Variants in NCK1 observed in about 807,000 individuals in gnomAD.
NCK1 encodes the protein NCK adaptor protein 1, also known as SH2/SH3 adapter protein NCK1.
In NCK1, 19 loss-of-function variants were observed where a neutral mutation model predicts 36.6. The ratio of observed to expected loss-of-function variants is 0.52; its 90% CI spans 0.36 to 0.76. NCK1 has a LOEUF of 0.76. Ranked by LOEUF, NCK1 falls within the 30% of genes least tolerant of loss-of-function variation. The pLI, the probability that NCK1 is intolerant of heterozygous loss-of-function variation, is 0.00. For synonymous variants in NCK1, 165 were observed against 156.0 expected (o/e 1.06, Z -0.43); for missense variants, 358 against 445.6 (o/e 0.80, Z 1.77).
chr3:136,946,424 A>C (rs922129970), intron 3 of NCK1, 129 bp downstream of exon 3: 1 of 747,792 alleles, frequency 1.3e-6, no homozygotes, highest in Non-Finnish European at 2.2e-6. Context: ...TAACATAAGC[A>C]TAAATGTTCC....
At chr3:136,926,944 C>T (rs1160773624) in intron 1 of NCK1, among the ~76,000 whole-genome samples, 2 of 151,988 alleles carry the variant, frequency 1.3e-5, no homozygotes, top group East Asian at 1.9e-4. Context: ...GATATGAGTT[C>T]TTCTCTAGCC....
intron 1 of NCK1, among the ~76,000 whole-genome samples, chr3:136,923,107 G>A (rs1940153262): frequency 6.6e-6 from 1 of 151,152 alleles, no homozygotes; most frequent in African/African-American, 2.4e-5. Context: ...CTATGTGTAT[G>A]TGTGTGTGTG....
intron 2 of NCK1, among the ~76,000 whole-genome samples, chr3:136,939,163 T>C (rs1940607992): frequency 6.6e-6 from 1 of 152,264 alleles, no homozygotes; most frequent in Admixed American, 6.5e-5. Context: ...ACTTGTTATA[T>C]GTCTGTTCAG....
At chr3:136,864,240 C>A (rs1938344140) in intron 1 of NCK1, among the ~76,000 whole-genome samples, 1 of 152,222 alleles carries the variant, frequency 6.6e-6, no homozygotes, top group African/African-American at 2.4e-5. Context: ...CGCCTGTAAT[C>A]CCAGCACTTT....
intron 1 of NCK1, among the ~76,000 whole-genome samples, chr3:136,893,146 T>TTGTG (rs1430611735): frequency 2.2e-4 from 18 of 81,758 alleles, no homozygotes; most frequent in Non-Finnish European, 3.8e-4. Context: ...TAATATTCCA[T>TTGTG]AGTGTGTGTG....
chr3:136,900,242 GTTGGCTT>G (rs2108099231), intron 1 of NCK1, among the ~76,000 whole-genome samples: 2 of 152,206 alleles, frequency 1.3e-5, no homozygotes, highest in Non-Finnish European at 2.9e-5. Context: ...AATATAATCA[GTTGGCTT>G]TAAATATGTG....
chr3:136,876,602 C>A (rs970104680), intron 1 of NCK1, among the ~76,000 whole-genome samples: 24 of 151,488 alleles, frequency 1.6e-4, no homozygotes, highest in African/African-American at 5.8e-4. Flanking sequence ...AAAACTTTGC[C>A]TATTTTGTCT....
intron 1 of NCK1, among the ~76,000 whole-genome samples, chr3:136,911,515 C>T (rs901683100): frequency 3.3e-5 from 5 of 152,116 alleles, no homozygotes; most frequent in African/African-American, 1.2e-4. Flanking sequence ...TCTTATGTAT[C>T]TGTTGCCATT....
rs890968233 is a variant in NCK1 at position 136,885,961 on chromosome 3, A to C, written c.-19+23608A>C. Reference sequence around the variant, plus strand: ...TTTTAATAGGAGTTTTCTGATCTGAACGTGTACAAAAGCAGCAGTACAGTG... The same window carrying C: ...TTTTAATAGGAGTTTTCTGATCTGACCGTGTACAAAAGCAGCAGTACAGTG... On this transcript the variant is annotated intron_variant, in intron 1 of 3. Transcript: ENST00000481752. Among the ~76,000 whole-genome samples the C allele has an allele frequency of 2.0e-5, 3 of 152,204 alleles. No individual in the cohort carries two copies. The East Asian group carries it at 5.8e-4, about 29-fold the overall frequency.
At chr3:136,867,029 T>C in intron 1 of NCK1, among the ~76,000 whole-genome samples, 1 of 150,884 alleles carries the variant, frequency 6.6e-6, no homozygotes, top group Non-Finnish European at 1.5e-5. Context: ...ATGTTTTTCC[T>C]GTTCCCTATG....
At chr3:136,947,283 G>A (rs746819163) in intron 3 of NCK1, among the ~76,000 whole-genome samples, 2 of 152,008 alleles carry the variant, frequency 1.3e-5, no homozygotes, top group Admixed American at 6.6e-5. Flanking sequence ...AACTTTGGGA[G>A]TAACTGTAGA....
chr3:136,876,869 A>G (rs1938790277), intron 1 of NCK1, among the ~76,000 whole-genome samples: 1 of 152,166 alleles, frequency 6.6e-6, no homozygotes. Flanking sequence ...CTAAATGTAA[A>G]ATAACTGGTT....
chr3:136,904,485 C>T (rs1380594295), intron 1 of NCK1, among the ~76,000 whole-genome samples: 2 of 152,180 alleles, frequency 1.3e-5, no homozygotes, highest in African/African-American at 4.8e-5. Context: ...TCATTTCATT[C>T]TCTACTGGCC....
At chr3:136,866,577 G>A (rs765402504) in intron 1 of NCK1, among the ~76,000 whole-genome samples, 9 of 151,406 alleles carry the variant, frequency 5.9e-5, no homozygotes, top group Admixed American at 1.3e-4. Context: ...AAAGTGCTGG[G>A]ATTACAGGTG....
chr3:136,894,679 C>G (rs554655724), intron 1 of NCK1, among the ~76,000 whole-genome samples: 43 of 152,270 alleles, frequency 2.8e-4, no homozygotes, highest in African/African-American at 9.6e-4. Context: ...GAAAGGCAAA[C>G]TCATTTCTAC....
At chr3:136,934,516 C>G (rs912804355) in intron 2 of NCK1, among the ~76,000 whole-genome samples, 1 of 152,106 alleles carries the variant, frequency 6.6e-6, no homozygotes, top group African/African-American at 2.4e-5. Context: ...GAACTCCCAA[C>G]CTCATGTGAT....
chr3:136,936,329 CTG>C (rs1414744698), intron 2 of NCK1, among the ~76,000 whole-genome samples: 2 of 152,220 alleles, frequency 1.3e-5, no homozygotes, highest in Non-Finnish European at 2.9e-5. Flanking sequence ...ACGTGAGCCA[CTG>C]TGCCCGGCTG....
At chr3:136,897,222 G>A (rs1187280379) in intron 1 of NCK1, among the ~76,000 whole-genome samples, 1 of 152,092 alleles carries the variant, frequency 6.6e-6, no homozygotes, top group South Asian at 2.1e-4. Context: ...CCAAGTAGCT[G>A]GGATTACAGG....
chr3:136,912,241 C>T (rs1199961130), intron 1 of NCK1, among the ~76,000 whole-genome samples: 1 of 147,166 alleles, frequency 6.8e-6, no homozygotes, highest in Non-Finnish European at 1.5e-5. Context: ...TGGCTCACTG[C>T]AACCTCTGCC....
Sources: allele counts gnomAD v4.1 joint callset (sites outside exome capture counted in the v4.1 genomes callset), GRCh38; gene constraint gnomAD v4.1.1; transcripts MANE v1.5; gene names NCBI Gene and HGNC (gene_info 2026-07-23, HGNC 2026-07-21).